The following KCNG3 variants were observed in gnomAD, a reference collection of about 807,000 sequenced individuals.
The protein encoded by KCNG3 is potassium voltage-gated channel modifier subfamily G member 3.
A neutral mutation model predicts 29.0 loss-of-function variants in KCNG3; 15 were observed. That is an observed-to-expected ratio of 0.52 (90% CI 0.35 to 0.80). KCNG3 has a LOEUF of 0.80. KCNG3 is among the 30% of genes least tolerant of loss of function. The probability of loss-of-function intolerance (pLI) is 0.01; values close to 1 mark genes in which losing one functional copy is unlikely to be tolerated. For missense variants in KCNG3, 512 were observed against 605.7 expected (o/e 0.85, Z 1.62); for synonymous variants, 322 against 248.9 (o/e 1.29, Z -2.76).
chr2:42,425,641 G>A, the KCNG3 span, among the ~76,000 whole-genome samples: 6 of 152,090 alleles, frequency 3.9e-5, no homozygotes, highest in Non-Finnish European at 7.3e-5. Context: ...AACTCAACAT[G>A]TACTACGTGC....
chr2:42,416,515 T>A, the KCNG3 span, among the ~76,000 whole-genome samples: 1 of 152,156 alleles, frequency 6.6e-6, no homozygotes, highest in Non-Finnish European at 1.5e-5. Context: ...AGATTTTGAA[T>A]GTGCACATCA....
At chr2:42,427,740 A>G in the KCNG3 span, among the ~76,000 whole-genome samples, 2 of 152,224 alleles carry the variant, frequency 1.3e-5, no homozygotes, top group Admixed American at 6.5e-5. Context: ...AATATAATCC[A>G]TAACTTGGTA....
chr2:42,450,224 T>C (rs963028927), intron 1 of KCNG3, among the ~76,000 whole-genome samples: 6 of 152,192 alleles, frequency 3.9e-5, no homozygotes, highest in Admixed American at 2.6e-4. Context: ...TTCAAAGAAG[T>C]AAGCTCGTCT....
chr2:42,477,063 G>T (rs1673444449), intron 1 of KCNG3, among the ~76,000 whole-genome samples: 1 of 150,352 alleles, frequency 6.7e-6, no homozygotes, highest in South Asian at 2.1e-4. Context: ...GTGGTGGCAG[G>T]CACCTGTAGT....
chr2:42,460,115 G>A (rs1672979632), intron 1 of KCNG3, among the ~76,000 whole-genome samples: 1 of 152,152 alleles, frequency 6.6e-6, no homozygotes, highest in Admixed American at 6.6e-5. Flanking sequence ...TGTAATCCCA[G>A]CACTTTGAGA....
At chr2:42,465,264 T>C (rs889576976) in intron 1 of KCNG3, among the ~76,000 whole-genome samples, 1 of 151,902 alleles carries the variant, frequency 6.6e-6, no homozygotes, top group Non-Finnish European at 1.5e-5. Context: ...TCGCTCAGCC[T>C]GGAGTGCAGT....
At chr2:42,418,920 A>G in the KCNG3 span, among the ~76,000 whole-genome samples, 23 of 152,142 alleles carry the variant, frequency 1.5e-4, no homozygotes, top group Non-Finnish European at 2.9e-4. Flanking sequence ...AGTCTTCTGT[A>G]TCAGATTTTA....
the KCNG3 span, among the ~76,000 whole-genome samples, chr2:42,432,934 T>TAAA: frequency 4.2e-4 from 56 of 132,718 alleles, no homozygotes; most frequent in Non-Finnish European, 7.3e-4. Context: ...GCTTTTATGA[T>TAAA]AAAAAAAAAA....
At chr2:42,478,448 C>T (rs1673496927) in intron 1 of KCNG3, among the ~76,000 whole-genome samples, 1 of 151,982 alleles carries the variant, frequency 6.6e-6, no homozygotes, top group Non-Finnish European at 1.5e-5. Context: ...CCAGGCTGGT[C>T]TTGAACTCCT....
chr2:42,449,471 G>GAAA (rs35759764), intron 1 of KCNG3, among the ~76,000 whole-genome samples: 4 of 124,508 alleles, frequency 3.2e-5, no homozygotes, highest in Non-Finnish European at 5.0e-5. Flanking sequence ...TACTATCATT[G>GAAA]AAAAAAAAAA....
At chr2:42,487,759 C>A (rs1673764582) in intron 1 of KCNG3, among the ~76,000 whole-genome samples, 1 of 152,172 alleles carries the variant, frequency 6.6e-6, no homozygotes, top group Non-Finnish European at 1.5e-5. Flanking sequence ...ATTTAACTCT[C>A]AGGAATGTAT....
intron 1 of KCNG3, among the ~76,000 whole-genome samples, chr2:42,455,541 G>A (rs868038851): frequency 6.6e-6 from 1 of 152,166 alleles, no homozygotes; most frequent in East Asian, 1.9e-4. Flanking sequence ...CAGGAGAACT[G>A]CTTGAGCCCA....
the KCNG3 span, among the ~76,000 whole-genome samples, chr2:42,394,568 C>G: frequency 6.6e-6 from 1 of 152,186 alleles, no homozygotes; most frequent in Non-Finnish European, 1.5e-5. Context: ...AAAAGTCAAG[C>G]TGGGAACTGC....
At chr2:42,447,600 C>G (rs960065405) in intron 1 of KCNG3, among the ~76,000 whole-genome samples, 2 of 151,992 alleles carry the variant, frequency 1.3e-5, no homozygotes, top group African/African-American at 4.8e-5. Context: ...ACTGCAGCCT[C>G]AAATGCCCAG....
intron 1 of KCNG3, among the ~76,000 whole-genome samples, chr2:42,479,732 C>CA (rs1236132666): frequency 3.3e-5 from 5 of 151,978 alleles, no homozygotes; most frequent in African/African-American, 1.2e-4. Flanking sequence ...ACAAATCAGG[C>CA]AGGCGGGGTG....
At chr2:42,492,712 C>T in intron 1 of KCNG3, 125 bp downstream of exon 1, 1 of 773,554 alleles carries the variant, frequency 1.3e-6, no homozygotes, top group Non-Finnish European at 1.6e-6. Context: ...GCGCCTGGGC[C>T]TCGCTGGGCG....
rs1479802319 is a variant in KCNG3, at chr2:42,451,287, T to C, written c.666-6708A>G. ...CAGGGTTTACATTAGAATAGCATTT[T>C]TTTGTGTGTGCCAGGGGCAGTGACA... On this transcript the variant is annotated intron_variant, in intron 1 of 1. Transcript: ENST00000306078. Among the ~76,000 whole-genome samples the C allele has an allele frequency of 3.3e-5, 5 of 152,046 alleles. No homozygotes were observed. In the East Asian group the frequency reaches 9.7e-4, roughly 30 times the overall value.
chr2:42,473,606 TC>T, intron 1 of KCNG3, among the ~76,000 whole-genome samples: 1 of 152,154 alleles, frequency 6.6e-6, no homozygotes, highest in Non-Finnish European at 1.5e-5. Context: ...TGCCTCAGCC[TC>T]CCAAAGTGCT....
At chr2:42,415,329 T>C in the KCNG3 span, among the ~76,000 whole-genome samples, 3 of 152,192 alleles carry the variant, frequency 2.0e-5, no homozygotes, top group Admixed American at 6.5e-5. Context: ...TATAACCCTA[T>C]AGTAACTGTA....
Sources: gnomAD v4.1 joint callset for allele counts (sites outside exome capture counted in the v4.1 genomes callset) on GRCh38, gnomAD v4.1.1 for gene constraint, MANE v1.5 for transcripts, NCBI Gene and HGNC (gene_info 2026-07-23, HGNC 2026-07-21) for gene names.